RUNX1: variants seen among roughly 807,000 people sequenced by gnomAD.
RUNX1 encodes the protein RUNX family transcription factor 1.
A neutral mutation model predicts 42.8 loss-of-function variants in RUNX1; 19 were observed. That is an observed-to-expected ratio of 0.44 (90% confidence interval 0.31 to 0.65). The LOEUF is 0.65. Ranked by LOEUF, RUNX1 falls within the 30% of genes least tolerant of loss-of-function variation. The pLI, the probability that RUNX1 is intolerant of heterozygous loss-of-function variation, is 0.07. For synonymous variants in RUNX1, 271 were observed against 289.4 expected (o/e 0.94, Z 0.64); for missense variants, 528 against 672.0 (o/e 0.79, Z 2.37).
chr21:34,819,967 G>A (rs926942161), intron 7 of RUNX1, among the ~76,000 whole-genome samples: 2 of 152,262 alleles, frequency 1.3e-5, no homozygotes, highest in Non-Finnish European at 2.9e-5. Context: ...CACACAGGAC[G>A]GTGAAACTTG....
At chr21:34,968,103 G>A (rs1407246796) in intron 2 of RUNX1, among the ~76,000 whole-genome samples, 1 of 152,230 alleles carries the variant, frequency 6.6e-6, no homozygotes. Context: ...CCAGGAGGCA[G>A]GTTGCAGAGT....
rs117058040 is a variant in RUNX1 at position 34,821,324 on chromosome 21, T to A, written c.805+13086A>T. On this transcript the variant is annotated intron_variant, in intron 7 of 8. Coordinates refer to ENST00000675419, the MANE Select transcript of RUNX1 (RefSeq NM_001754.5). ...GACCATTTATTAAGTATTGAAAGTG[T>A]ACCGGGATCCATGCTAAATATTTGA... 3.5e-6 allele frequency: 4 copies of A among 1,158,702 alleles called. No individual in the cohort carries two copies. The East Asian group carries it at 1.5e-4, about 44-fold the overall frequency. The allele number at this position is 1,158,702 out of a possible 1,614,324, so 71.8% of individuals were successfully genotyped here.
At chr21:34,853,293 G>A (rs1459411450) in intron 6 of RUNX1, among the ~76,000 whole-genome samples, 6 of 152,100 alleles carry the variant, frequency 3.9e-5, no homozygotes, top group East Asian at 1.9e-4. Context: ...CCCTGCCGGG[G>A]AAAACACTGA....
At chr21:34,985,676 C>T (rs1331484716) in intron 2 of RUNX1, among the ~76,000 whole-genome samples, 1 of 152,102 alleles carries the variant, frequency 6.6e-6, no homozygotes, top group Non-Finnish European at 1.5e-5. Context: ...GGCTTCCTTT[C>T]TCACAGACAG....
At chr21:34,926,020 G>C (rs1392027224) in intron 2 of RUNX1, among the ~76,000 whole-genome samples, 1 of 151,852 alleles carries the variant, frequency 6.6e-6, no homozygotes, top group Non-Finnish European at 1.5e-5. Flanking sequence ...GCAAAAATAA[G>C]GGCAGAACAT....
At chr21:34,993,838 G>GAC (rs376927181) in intron 2 of RUNX1, among the ~76,000 whole-genome samples, 2 of 148,454 alleles carry the variant, frequency 1.3e-5, no homozygotes, top group South Asian at 2.1e-4. Context: ...CACACACACA[G>GAC]ACACACACAC....
chr21:34,926,231 T>C (rs1195217773), intron 2 of RUNX1, among the ~76,000 whole-genome samples: 1 of 151,900 alleles, frequency 6.6e-6, no homozygotes. Flanking sequence ...TCCCAGCATT[T>C]TGTGAGGTCG....
chr21:34,867,420 A>G (rs572173686), intron 5 of RUNX1, among the ~76,000 whole-genome samples: 132 of 152,246 alleles, frequency 8.7e-4, no homozygotes, highest in African/African-American at 3.1e-3. Context: ...AGCCTGGGTG[A>G]CAGAGTAAGA....
chr21:34,851,190 A>T (rs990644535), intron 6 of RUNX1, among the ~76,000 whole-genome samples: 2 of 152,210 alleles, frequency 1.3e-5, no homozygotes, highest in Non-Finnish European at 2.9e-5. Context: ...CAAATTAGAA[A>T]GCCCTTTAAA....
chr21:34,827,350 A>C (rs1469117028), intron 7 of RUNX1, among the ~76,000 whole-genome samples: 1 of 152,186 alleles, frequency 6.6e-6, no homozygotes, highest in Non-Finnish European at 1.5e-5. Context: ...TTAAAGATGA[A>C]ATTTGCAATT....
chr21:34,821,246 A>T, intron 7 of RUNX1: 1 of 1,054,010 alleles, frequency 9.5e-7, no homozygotes, highest in East Asian at 5.6e-5. Flanking sequence ...TGATACAACA[A>T]TGCCGCCAAT....
At chr21:34,852,297 G>A (rs2146197829) in intron 6 of RUNX1, among the ~76,000 whole-genome samples, 1 of 152,252 alleles carries the variant, frequency 6.6e-6, no homozygotes, top group South Asian at 2.1e-4. Flanking sequence ...GCTGCACCAG[G>A]TGGGTTACTG....
chr21:34,886,242 A>G (rs2057984628), intron 4 of RUNX1, among the ~76,000 whole-genome samples: 1 of 152,210 alleles, frequency 6.6e-6, no homozygotes, highest in South Asian at 2.1e-4. Context: ...TTCTGGCAGG[A>G]GCAGGCTAAA....
chr21:34,945,288 A>C (rs2058556140), intron 2 of RUNX1, among the ~76,000 whole-genome samples: 1 of 152,254 alleles, frequency 6.6e-6, no homozygotes, highest in African/African-American at 2.4e-5. Context: ...AAACAATTCT[A>C]CAATCTCACA....
chr21:34,858,544 A>G (rs1601468364), intron 6 of RUNX1, among the ~76,000 whole-genome samples: 1 of 152,240 alleles, frequency 6.6e-6, no homozygotes. Context: ...CATAAAGCCC[A>G]AATTCTTAAC....
chr21:35,040,415 A>C (rs903926216), intron 2 of RUNX1, among the ~76,000 whole-genome samples: 4 of 152,190 alleles, frequency 2.6e-5, no homozygotes, highest in Non-Finnish European at 5.9e-5. Context: ...GCACAGTAAA[A>C]GGGGAAGTGC....
chr21:35,016,990 A>G (rs750439223), intron 2 of RUNX1, among the ~76,000 whole-genome samples: 23 of 147,488 alleles, frequency 1.6e-4, no homozygotes, highest in Non-Finnish European at 3.0e-4. Context: ...AAGAGCAGTA[A>G]TGGGAAGGGG....
intron 2 of RUNX1, among the ~76,000 whole-genome samples, chr21:34,906,506 T>C (rs1336241867): frequency 6.6e-6 from 1 of 152,226 alleles, no homozygotes; most frequent in Admixed American, 6.5e-5. Context: ...TTAATCCTTT[T>C]GGTAATACTA....
intron 6 of RUNX1, among the ~76,000 whole-genome samples, chr21:34,853,451 C>G (rs551014230): frequency 6.6e-6 from 1 of 152,150 alleles, no homozygotes; most frequent in Non-Finnish European, 1.5e-5. Context: ...GCTCAAAAAG[C>G]GGCCAGTGCA....
Sources: gnomAD v4.1 joint callset for allele counts (sites outside exome capture counted in the v4.1 genomes callset) on GRCh38, gnomAD v4.1.1 for gene constraint, MANE v1.5 for transcripts, NCBI Gene and HGNC (gene_info 2026-07-23, HGNC 2026-07-21) for gene names.